Variants in SIPA1L1 observed in about 807,000 individuals in gnomAD.
SIPA1L1 encodes the protein signal induced proliferation associated 1 like 1.
SIPA1L1 carries 26 observed loss-of-function variants against 162.7 expected under a neutral mutation model. That is an observed-to-expected ratio of 0.16 (90% CI 0.12 to 0.22). The LOEUF (loss-of-function observed/expected upper bound fraction) is 0.22. Ranked by LOEUF, SIPA1L1 falls within the 10% of genes least tolerant of loss-of-function variation. The pLI is 1.00. For synonymous variants in SIPA1L1, 829 were observed against 837.4 expected, an observed-to-expected ratio of 0.99 and a Z score of 0.17; for missense variants, 1,874 against 2,241.0, an observed-to-expected ratio of 0.84 and a Z score of 3.31.
Position 71,624,082 on chromosome 14 carries a change from C to T in SIPA1L1, c.1664C>T (p.Ala555Val). The change falls in exon 7 of 24, where the codon GCC becomes GTC. Residue 555 changes from alanine to valine, a missense_variant. Transcript: ENST00000381232. ...MTLRGSVLED[A>V]IPSTAKHSTA... ...CTGAGAGGTTCGGTCCTGGAGGACG[C>T]CATTCCGTCGACAGCCAAGCACTCG... 6.2e-7 allele frequency: 1 copy of T among 1,612,968 alleles called. No individual in the cohort carries two copies. The highest frequency in any genetic ancestry group is 8.5e-7 in the Non-Finnish European group (1 of 1,179,320).
intron 2 of SIPA1L1, among the ~76,000 whole-genome samples, chr14:71,447,034 C>G (rs1027128146): frequency 6.6e-6 from 1 of 150,640 alleles, no homozygotes; most frequent in South Asian, 2.1e-4. Flanking sequence ...ATCTCGGCCC[C>G]CTGAGTAGCT....
At chr14:71,346,849 C>G (rs1421844811) in intron 2 of SIPA1L1, among the ~76,000 whole-genome samples, 1 of 152,182 alleles carries the variant, frequency 6.6e-6, no homozygotes. Flanking sequence ...TTATCACCCT[C>G]CTGCCTATCT....
At chr14:71,725,713 C>G (rs1056499405) in intron 19 of SIPA1L1, among the ~76,000 whole-genome samples, 3 of 152,134 alleles carry the variant, frequency 2.0e-5, no homozygotes, top group African/African-American at 7.2e-5. Context: ...CCTGAAGTTA[C>G]GTCACTCTGA....
chr14:71,476,771 G>A (rs541994560), intron 2 of SIPA1L1, among the ~76,000 whole-genome samples: 2 of 151,864 alleles, frequency 1.3e-5, no homozygotes, highest in South Asian at 2.1e-4. Context: ...TCTGCCTCGC[G>A]GGTTCACACC....
intron 2 of SIPA1L1, among the ~76,000 whole-genome samples, chr14:71,500,613 G>A (rs1034148935): frequency 7.9e-5 from 12 of 152,138 alleles, no homozygotes; most frequent in African/African-American, 2.9e-4. Context: ...CAGATACAAT[G>A]GAAACACACA....
At chr14:71,348,444 A>G (rs1177147114) in intron 2 of SIPA1L1, among the ~76,000 whole-genome samples, 1 of 152,130 alleles carries the variant, frequency 6.6e-6, no homozygotes, top group Non-Finnish European at 1.5e-5. Flanking sequence ...CATTTTCTTT[A>G]GTCAATAGTT....
chr14:71,704,930 C>A, intron 15 of SIPA1L1: 2 of 661,338 alleles, frequency 3.0e-6, no homozygotes, highest in Non-Finnish European at 5.3e-6. Context: ...TTCCCCCAAA[C>A]CAAAAGTTGA....
At chr14:71,632,470 A>C (rs576915165) in intron 7 of SIPA1L1, among the ~76,000 whole-genome samples, 4 of 152,302 alleles carry the variant, frequency 2.6e-5, no homozygotes, top group Admixed American at 6.5e-5. Context: ...ACAACAACAA[A>C]AAACCCACAG....
At chr14:71,330,486 C>A (rs747511925) in intron 2 of SIPA1L1, 29 of 1,606,322 alleles carry the variant, frequency 1.8e-5, no homozygotes, top group Admixed American at 1.0e-4. Context: ...GAACTTGGTC[C>A]CCTTCCTGAA....
chr14:71,391,844 C>G (rs774034669), intron 2 of SIPA1L1, among the ~76,000 whole-genome samples: 9 of 152,178 alleles, frequency 5.9e-5, no homozygotes, highest in African/African-American at 2.2e-4. Context: ...GGAAAGAAGG[C>G]ACAGGGAGGA....
At chr14:71,566,663 G>T (rs2030669133) in intron 4 of SIPA1L1, among the ~76,000 whole-genome samples, 1 of 152,166 alleles carries the variant, frequency 6.6e-6, no homozygotes, top group Non-Finnish European at 1.5e-5. Context: ...GGGACAGTAT[G>T]ATAAAAATAT....
intron 2 of SIPA1L1, among the ~76,000 whole-genome samples, chr14:71,445,520 A>G (rs570307490): frequency 6.6e-6 from 1 of 152,104 alleles, no homozygotes; most frequent in South Asian, 2.1e-4. Context: ...TAGTTTTTAG[A>G]TGTGCATGGG....
chr14:71,643,915 C>T (rs956585096), intron 7 of SIPA1L1, among the ~76,000 whole-genome samples: 3 of 151,442 alleles, frequency 2.0e-5, no homozygotes, highest in Non-Finnish European at 2.9e-5. Flanking sequence ...TCAAGCAATT[C>T]TCATGCCTCA....
intron 3 of SIPA1L1, among the ~76,000 whole-genome samples, chr14:71,522,657 C>T (rs529904635): frequency 6.6e-6 from 1 of 151,436 alleles, no homozygotes; most frequent in East Asian, 1.9e-4. Flanking sequence ...GATTTTAGGT[C>T]TATTCACTCT....
chr14:71,388,867 T>C (rs887126253), intron 2 of SIPA1L1, among the ~76,000 whole-genome samples: 3 of 152,342 alleles, frequency 2.0e-5, no homozygotes, highest in Admixed American at 6.5e-5. Flanking sequence ...TGAAGAACTT[T>C]CTGAGGTTTG....
chr14:71,365,207 G>T (rs1222032690), intron 2 of SIPA1L1, among the ~76,000 whole-genome samples: 3 of 151,206 alleles, frequency 2.0e-5, no homozygotes, highest in African/African-American at 4.9e-5. Context: ...TAGAAACAGG[G>T]TCTCACATGT....
At chr14:71,364,036 G>A (rs1187582960) in intron 2 of SIPA1L1, among the ~76,000 whole-genome samples, 1 of 152,008 alleles carries the variant, frequency 6.6e-6, no homozygotes, top group Non-Finnish European at 1.5e-5. Flanking sequence ...AAATTATTGG[G>A]GACTCAGGAG....
chr14:71,332,338 C>G (rs1437964224), intron 2 of SIPA1L1, among the ~76,000 whole-genome samples: 1 of 152,080 alleles, frequency 6.6e-6, no homozygotes, highest in East Asian at 1.9e-4. Flanking sequence ...TTATGTGGCC[C>G]TTGTCAATGT....
intron 2 of SIPA1L1, among the ~76,000 whole-genome samples, chr14:71,427,176 T>C (rs2043628811): frequency 6.6e-6 from 1 of 152,202 alleles, no homozygotes; most frequent in Admixed American, 6.5e-5. Context: ...ATTTTTACCC[T>C]GCAGGGACTT....
Sources: gnomAD v4.1 joint callset for allele counts (sites outside exome capture counted in the v4.1 genomes callset) on GRCh38, gnomAD v4.1.1 for gene constraint, MANE v1.5 for transcripts, NCBI Gene and HGNC (gene_info 2026-07-23, HGNC 2026-07-21) for gene names.